PRKAR2B: variants seen among roughly 807,000 people sequenced by gnomAD.
The protein encoded by PRKAR2B is protein kinase cAMP-dependent type II regulatory subunit beta.
A neutral mutation model predicts 49.9 loss-of-function variants in PRKAR2B; 14 were observed. That is an observed-to-expected ratio of 0.28 (90% CI 0.19 to 0.44). The LOEUF is 0.44. Ranked by LOEUF, PRKAR2B falls within the 20% of genes least tolerant of loss-of-function variation. The pLI is 1.00. For synonymous variants in PRKAR2B, 196 were observed against 197.7 expected, an observed-to-expected ratio of 0.99 and a Z score of 0.07; for missense variants, 393 against 537.9, an observed-to-expected ratio of 0.73 and a Z score of 2.67.
Position 107,157,267 on chromosome 7 carries a change from G to A in PRKAR2B, c.1066G>A (p.Val356Ile). The A allele has an allele frequency of 6.2e-7, 1 of 1,614,206 alleles. No homozygotes were observed. Among genetic ancestry groups the A allele is most frequent in the Non-Finnish European group, 8.5e-7 (1 of 1,180,040 alleles). The change falls in exon 10 of 11, where the codon GTA becomes ATA. Residue 356 changes from valine (V) to isoleucine (I), a missense_variant. Physicochemically the swap from Val to Ile is conservative, Grantham distance 29. Transcript: ENST00000265717. ...RGQYFGELAL[V>I]TNKPRAASAH... ...ACAGTACTTTGGAGAGCTTGCCCTG[G>A]TAACTAACAAACCTCGAGCAGCTTC...
intron 2 of PRKAR2B, among the ~76,000 whole-genome samples, chr7:107,121,098 C>A (rs946833893): frequency 3.3e-5 from 5 of 151,050 alleles, no homozygotes; most frequent in African/African-American, 4.9e-5. Flanking sequence ...TTCTGTTGTA[C>A]AGTTAGGGGG....
chr7:107,122,629 T>C (rs910983936), intron 3 of PRKAR2B, among the ~76,000 whole-genome samples: 1 of 152,180 alleles, frequency 6.6e-6, no homozygotes, highest in Admixed American at 6.5e-5. Flanking sequence ...CTCCCCCCCT[T>C]TTTTTGAGTA....
At chr7:107,137,315 T>C (rs1795716577) in intron 4 of PRKAR2B, among the ~76,000 whole-genome samples, 1 of 152,230 alleles carries the variant, frequency 6.6e-6, no homozygotes, top group African/African-American at 2.4e-5. Context: ...ATTCCCTCAT[T>C]GCAGGTTTTC....
At chr7:107,058,025 T>G (rs1420327770) in intron 1 of PRKAR2B, among the ~76,000 whole-genome samples, 1 of 151,956 alleles carries the variant, frequency 6.6e-6, no homozygotes, top group Non-Finnish European at 1.5e-5. Context: ...TTAATTCCAT[T>G]TGAAATTTGA....
chr7:107,112,174 TAAAAAAAAAAAAAAAAAA>T (rs749209141), intron 2 of PRKAR2B, among the ~76,000 whole-genome samples: 1 of 44,762 alleles, frequency 2.2e-5, no homozygotes, highest in African/African-American at 1.0e-4. Flanking sequence ...ACTGTGTCTC[TAAAAAAAAAAAAAAAAAA>T]AAAAAAAAGA....
At chr7:107,066,389 GA>G (rs1158853292) in intron 1 of PRKAR2B, among the ~76,000 whole-genome samples, 4 of 151,542 alleles carry the variant, frequency 2.6e-5, no homozygotes, top group African/African-American at 9.7e-5. Context: ...AAAAGTCTGA[GA>G]AAATTTAATT....
At chr7:107,142,964 T>C (rs966797241) in intron 5 of PRKAR2B, among the ~76,000 whole-genome samples, 2 of 152,132 alleles carry the variant, frequency 1.3e-5, no homozygotes, top group Admixed American at 6.6e-5. Flanking sequence ...GGTATCACCA[T>C]GTTGGTCGGG....
intron 4 of PRKAR2B, among the ~76,000 whole-genome samples, chr7:107,133,423 C>G (rs1161727129): frequency 4.6e-5 from 7 of 152,152 alleles, no homozygotes; most frequent in Admixed American, 4.6e-4. Context: ...CACCCTCTAC[C>G]TGCCTTAAAA....
At chr7:107,146,601 A>C in intron 6 of PRKAR2B, 140 bp downstream of exon 6, 1 of 913,548 alleles carries the variant, frequency 1.1e-6, no homozygotes, top group South Asian at 1.8e-5. Context: ...TGAATGCTGA[A>C]CTGTAGGGCA....
At chr7:107,120,321 T>C (rs139518827) in intron 2 of PRKAR2B, among the ~76,000 whole-genome samples, 58 of 152,106 alleles carry the variant, frequency 3.8e-4, no homozygotes, top group African/African-American at 1.4e-3. Flanking sequence ...GTCACAGAGG[T>C]GGAATCACCT....
At chr7:107,128,695 C>A (rs889588710) in intron 4 of PRKAR2B, 3 of 160,416 alleles carry the variant, frequency 1.9e-5, no homozygotes, top group Non-Finnish European at 2.7e-5. Context: ...CTCTTTACAG[C>A]CAGTGGTAGT....
At chr7:107,093,660 C>T (rs149620638) in intron 2 of PRKAR2B, among the ~76,000 whole-genome samples, 1 of 121,638 alleles carries the variant, frequency 8.2e-6, no homozygotes, top group African/African-American at 3.0e-5. Flanking sequence ...ATCTCTCGCC[C>T]CTCCCCCCAC....
chr7:107,081,296 CCCT>C (rs1201290461), intron 2 of PRKAR2B, among the ~76,000 whole-genome samples: 1 of 152,050 alleles, frequency 6.6e-6, no homozygotes, highest in Non-Finnish European at 1.5e-5. Flanking sequence ...CAACCTCAGT[CCCT>C]CATCATAAAC....
intron 3 of PRKAR2B, among the ~76,000 whole-genome samples, chr7:107,127,800 A>G (rs1795525939): frequency 6.6e-6 from 1 of 152,256 alleles, no homozygotes; most frequent in African/African-American, 2.4e-5. Flanking sequence ...TATTAAACTC[A>G]GTAGAAACAG....
chr7:107,058,992 A>T (rs1463851817), intron 1 of PRKAR2B, among the ~76,000 whole-genome samples: 1 of 151,740 alleles, frequency 6.6e-6, no homozygotes, highest in Non-Finnish European at 1.5e-5. Flanking sequence ...AAGGTTTTTT[A>T]TTTTTTTTCC....
chr7:107,149,462 G>A (rs1584454376), intron 6 of PRKAR2B, among the ~76,000 whole-genome samples: 3 of 152,014 alleles, frequency 2.0e-5, no homozygotes, highest in Admixed American at 6.6e-5. Context: ...GTGAGGGCTT[G>A]TTTTCCTGTT....
At chr7:107,115,127 G>T (rs1052115685) in intron 2 of PRKAR2B, among the ~76,000 whole-genome samples, 19 of 151,870 alleles carry the variant, frequency 1.3e-4, no homozygotes, top group African/African-American at 4.1e-4. Context: ...CTAAATAAAG[G>T]TAAAAAATAC....
intron 2 of PRKAR2B, among the ~76,000 whole-genome samples, chr7:107,105,550 T>A (rs953581924): frequency 2.6e-5 from 4 of 152,196 alleles, no homozygotes; most frequent in Admixed American, 2.6e-4. Context: ...GGCTGCTCCC[T>A]TGTCTAGTAA....
At position 107,160,268 on chromosome 7, in the gene PRKAR2B, G is replaced by A. The variant is rs1427271041; in HGVS notation, c.*686G>A. 6.6e-6 allele frequency: 1 copy of A among 152,556 alleles called. No homozygotes were observed. The highest frequency in any genetic ancestry group is 1.5e-5 in the Non-Finnish European group (1 of 68,002). The allele number at this position is 152,556 out of a possible 1,614,324, so 9.5% of individuals were successfully genotyped here. On this transcript the variant is annotated 3_prime_UTR_variant, in exon 11 of 11. Coordinates refer to ENST00000265717, the MANE Select transcript of PRKAR2B (RefSeq NM_002736.3). ...TAATAAGGAAAACAGTGTTTTAGAT[G>A]AGAGATCATTAATGCATTTTTCCCT...
Sources: allele counts gnomAD v4.1 joint callset (sites outside exome capture counted in the v4.1 genomes callset), GRCh38; gene constraint gnomAD v4.1.1; transcripts MANE v1.5; gene names NCBI Gene and HGNC (gene_info 2026-07-23, HGNC 2026-07-21).